The following MAPK8 variants were observed in gnomAD, a reference collection of about 807,000 sequenced individuals.
MAPK8 encodes the protein mitogen-activated protein kinase 8, also known as JUN N-terminal kinase.
Under a neutral mutation model 52.9 loss-of-function variants are expected in MAPK8, and 13 were observed. That is an observed-to-expected ratio of 0.25 (90% confidence interval 0.16 to 0.39). The LOEUF (loss-of-function observed/expected upper bound fraction) is 0.39. MAPK8 is among the 10% of genes least tolerant of loss of function. The pLI is 1.00. For synonymous variants in MAPK8, 191 were observed against 169.8 expected (o/e 1.12, Z -0.97); for missense variants, 300 against 519.2 (o/e 0.58, Z 4.10).
chr10:48,324,467 C>T (rs1192528166), intron 1 of MAPK8, among the ~76,000 whole-genome samples: 1 of 133,998 alleles, frequency 7.5e-6, no homozygotes, highest in Non-Finnish European at 1.6e-5. Context: ...ATCGTTGTTG[C>T]TTTAGTCACT....
At chr10:48,388,496 T>C (rs748662120) in intron 1 of MAPK8, among the ~76,000 whole-genome samples, 1 of 152,116 alleles carries the variant, frequency 6.6e-6, no homozygotes, top group Non-Finnish European at 1.5e-5. Flanking sequence ...GTGGTTGCTG[T>C]GGGAATCAAT....
In MAPK8 at chr10:48,389,709, A is replaced by G. The variant is rs192336150; in HGVS notation, c.-49-11903A>G. ...CTGTTAGCCAGGTACTACTCAAGGCACTGGTGATTTATTCATGAACAGAAC... is the reference window on the plus strand; with the variant it reads ...CTGTTAGCCAGGTACTACTCAAGGCGCTGGTGATTTATTCATGAACAGAAC... On this transcript the variant is annotated intron_variant, in intron 1 of 11. Coordinates refer to ENST00000374189, the MANE Select transcript of MAPK8 (RefSeq NM_001323329.2). 7.5e-3 allele frequency among the ~76,000 whole-genome samples: 1,143 copies of G among 152,316 alleles called. 17 individuals are homozygous for G. Among genetic ancestry groups the G allele is most frequent in the African/African-American group, 0.026 (1,078 of 41,564 alleles).
chr10:48,412,542 G>A (rs1258112258), intron 5 of MAPK8, among the ~76,000 whole-genome samples: 2 of 152,032 alleles, frequency 1.3e-5, no homozygotes, highest in Admixed American at 6.6e-5. Flanking sequence ...AAGTTGATAT[G>A]CTTAATGGTA....
rs73294822 is a variant in MAPK8 at position 48,352,464 on chromosome 10, T to G, written c.-50+45643T>G. ...CTTTATTTTGGGAATGCAAGATTGA[T>G]TCAACATTTGAAAATCTGTCAATGT... On this transcript the variant is annotated intron_variant, in intron 1 of 11. Coordinates refer to ENST00000374189, the MANE Select transcript of MAPK8 (RefSeq NM_001323329.2). Among the ~76,000 whole-genome samples, 632 of 152,274 alleles carry G rather than the reference T, an allele frequency of 4.2e-3. 7 individuals are homozygous for G. Among genetic ancestry groups the G allele is most frequent in the East Asian group, 0.018 (91 of 5,194 alleles).
At chr10:48,398,877 A>G (rs1383421190) in intron 1 of MAPK8, among the ~76,000 whole-genome samples, 2 of 152,158 alleles carry the variant, frequency 1.3e-5, no homozygotes, top group Non-Finnish European at 2.9e-5. Flanking sequence ...GATTGACCAT[A>G]TAGGGAATGT....
At chr10:48,350,643 A>G (rs1194508720) in intron 1 of MAPK8, among the ~76,000 whole-genome samples, 1 of 152,220 alleles carries the variant, frequency 6.6e-6, no homozygotes, top group Non-Finnish European at 1.5e-5. Context: ...GTTTATGACA[A>G]ACCCACAGCC....
At chr10:48,380,457 C>T (rs755307565) in intron 1 of MAPK8, among the ~76,000 whole-genome samples, 5 of 151,840 alleles carry the variant, frequency 3.3e-5, no homozygotes, top group Non-Finnish European at 5.9e-5. Context: ...TATGGCCGGG[C>T]GTGGTGGCTG....
intron 1 of MAPK8, among the ~76,000 whole-genome samples, chr10:48,314,247 C>T (rs2132090225): frequency 6.6e-6 from 1 of 152,144 alleles, no homozygotes; most frequent in East Asian, 1.9e-4. Context: ...CTCACATGGC[C>T]CCTAAGAGCT....
chr10:48,310,063 A>G (rs1031571334), intron 1 of MAPK8, among the ~76,000 whole-genome samples: 2 of 152,216 alleles, frequency 1.3e-5, no homozygotes, highest in Non-Finnish European at 2.9e-5. Flanking sequence ...GAAAGGTAAC[A>G]GGAGTATTGA....
intron 8 of MAPK8, 121 bp from the exon 9 acceptor site, chr10:48,426,259 G>T: frequency 1.1e-6 from 1 of 901,828 alleles, no homozygotes; most frequent in Non-Finnish European, 1.6e-6. Flanking sequence ...ATATGTATAA[G>T]ATAATTTTAC....
At chr10:48,406,318 A>G (rs890785816) in intron 3 of MAPK8, among the ~76,000 whole-genome samples, 7 of 152,202 alleles carry the variant, frequency 4.6e-5, no homozygotes, top group African/African-American at 1.4e-4. Context: ...CCATGGATAG[A>G]GCTGCTCGTG....
rs2044893101 is a variant in MAPK8 at position 48,436,922 on chromosome 10, A to G, written c.*1893A>G. Reference sequence around the variant, plus strand: ...CAATTTCAGCAGAAATTTGAGAATGAGTGTGTTTATATTAATTTCACAATT... The same window carrying G: ...CAATTTCAGCAGAAATTTGAGAATGGGTGTGTTTATATTAATTTCACAATT... On this transcript the variant is annotated 3_prime_UTR_variant, in exon 12 of 12. Transcript: ENST00000374189. 1 of 152,216 alleles carries G rather than the reference A, an allele frequency of 6.6e-6. No individual in the cohort carries two copies. Among genetic ancestry groups the G allele is most frequent in the African/African-American group, 2.4e-5 (1 of 41,454 alleles). The allele number at this position is 152,216 out of a possible 1,614,324, so 9.4% of individuals were successfully genotyped here.
At position 48,342,421 on chromosome 10, in the gene MAPK8, TA is replaced by T. The variant is rs924559892; in HGVS notation, c.-50+35609del. ...CACCTGGCCATAATTTTATTTTTTATAAAAAAAAATTTTACAATAAAATTCA... is the reference window on the plus strand; with the variant it reads ...CACCTGGCCATAATTTTATTTTTTATAAAAAAAATTTTACAATAAAATTCA... On this transcript the variant is annotated intron_variant, in intron 1 of 11. Coordinates refer to ENST00000374189, the MANE Select transcript of MAPK8 (RefSeq NM_001323329.2). Among the ~76,000 whole-genome samples, 41 of 151,968 alleles carry T rather than the reference TA, an allele frequency of 2.7e-4. No homozygotes were observed. In the East Asian group the frequency reaches 3.5e-3, roughly 13 times the overall value.
intron 11 of MAPK8, among the ~76,000 whole-genome samples, chr10:48,434,545 A>G (rs939277947): frequency 6.6e-6 from 1 of 152,202 alleles, no homozygotes; most frequent in Admixed American, 6.5e-5. Flanking sequence ...TGCATGTATT[A>G]TCAGCAGTAT....
At position 48,420,137 on chromosome 10, in the gene MAPK8, A is replaced by C. The variant is rs1306897968; in HGVS notation, c.451-18A>C. The C allele has an allele frequency of 1.3e-6, 2 of 1,588,396 alleles. No individual in the cohort carries two copies. The highest frequency in any genetic ancestry group is 8.6e-7 in the Non-Finnish European group (1 of 1,161,460). On this transcript the variant is annotated intron_variant, in intron 5 of 11. Coordinates refer to ENST00000374189, the MANE Select transcript of MAPK8 (RefSeq NM_001323329.2). ...CTATATATCATGGCAGTCATTTTTT[A>C]ATTTTTATTTTCTGAAGGACTTAAA...
intron 1 of MAPK8, among the ~76,000 whole-genome samples, chr10:48,329,153 G>A (rs1414958304): frequency 1.3e-5 from 2 of 152,190 alleles, no homozygotes; most frequent in Non-Finnish European, 1.5e-5. Context: ...GGTCATACAC[G>A]AGTGGCAGGG....
intron 3 of MAPK8, 113 bp downstream of exon 3, chr10:48,405,094 T>G: frequency 2.4e-6 from 1 of 417,738 alleles, no homozygotes; most frequent in Non-Finnish European, 4.1e-6. Context: ...TATTAAAACA[T>G]TGTTTAAAAG....
chr10:48,338,961 C>G (rs1190797319), intron 1 of MAPK8, among the ~76,000 whole-genome samples: 1 of 152,012 alleles, frequency 6.6e-6, no homozygotes, highest in East Asian at 1.9e-4. Flanking sequence ...AGAAACGTCC[C>G]ATGCTTGTAG....
intron 5 of MAPK8, among the ~76,000 whole-genome samples, chr10:48,413,698 G>C (rs2042882910): frequency 6.6e-6 from 1 of 150,998 alleles, no homozygotes; most frequent in African/African-American, 2.4e-5. Flanking sequence ...GCAATGTAAA[G>C]TTTGTTTTTG....
Sources: gnomAD v4.1 joint callset for allele counts (sites outside exome capture counted in the v4.1 genomes callset) on GRCh38, gnomAD v4.1.1 for gene constraint, MANE v1.5 for transcripts, NCBI Gene and HGNC (gene_info 2026-07-23, HGNC 2026-07-21) for gene names.